The following RSRC1 variants were observed in gnomAD, a reference collection of about 807,000 sequenced individuals.
RSRC1 encodes arginine and serine rich coiled-coil 1.
Under a neutral mutation model 49.1 loss-of-function variants are expected in RSRC1, and 39 were observed. The ratio of observed to expected loss-of-function variants is 0.79; its 90% CI spans 0.61 to 1.04. The LOEUF is 1.04. Among genes scored for constraint, RSRC1 ranks in the 50% least tolerant of loss-of-function variants. The pLI is 0.00. For synonymous variants in RSRC1, 143 were observed against 130.8 expected (o/e 1.09, Z -0.63); for missense variants, 388 against 402.4 (o/e 0.96, Z 0.31).
intron 8 of RSRC1, 41 bp downstream of exon 8, chr3:158,537,239 C>T (rs776223677): frequency 8.5e-7 from 1 of 1,172,544 alleles, no homozygotes; most frequent in African/African-American, 1.6e-5. Context: ...CCTTTGGATT[C>T]TACCTGAAGA....
chr3:158,211,234 A>G (rs944477496), intron 4 of RSRC1, among the ~76,000 whole-genome samples: 5 of 152,028 alleles, frequency 3.3e-5, no homozygotes, highest in African/African-American at 1.2e-4. Context: ...TTGGACCGGT[A>G]TGGAATGCAC....
intron 3 of RSRC1, among the ~76,000 whole-genome samples, chr3:158,141,042 A>G (rs181565363): frequency 1.3e-5 from 2 of 152,322 alleles, no homozygotes; most frequent in Non-Finnish European, 2.9e-5. Flanking sequence ...AATGCTTTTT[A>G]AAAATCAAAG....
At chr3:158,349,545 T>G (rs1730743946) in intron 5 of RSRC1, among the ~76,000 whole-genome samples, 1 of 133,920 alleles carries the variant, frequency 7.5e-6, no homozygotes, top group Non-Finnish European at 1.7e-5. Flanking sequence ...TGATACAAAT[T>G]TCTAACAGCA....
chr3:158,301,413 A>G (rs921067604), intron 5 of RSRC1, among the ~76,000 whole-genome samples: 3 of 152,230 alleles, frequency 2.0e-5, no homozygotes, highest in Non-Finnish European at 2.9e-5. Flanking sequence ...TCTATTTATC[A>G]GGAGTAAGGA....
intron 6 of RSRC1, among the ~76,000 whole-genome samples, chr3:158,367,997 G>A (rs7615598): frequency 0.093 from 14,100 of 151,750 alleles, 2,230 homozygotes; most frequent in African/African-American, 0.33. Context: ...TCAGTTACAC[G>A]TTTATATTTG....
chr3:158,437,767 A>G (rs564746135), intron 6 of RSRC1, among the ~76,000 whole-genome samples: 4 of 152,312 alleles, frequency 2.6e-5, no homozygotes, highest in African/African-American at 9.6e-5. Flanking sequence ...CAAGACAAGG[A>G]TGCCCTCTCT....
In RSRC1 at chr3:158,162,365, A is replaced by G. The variant is rs538155594; in HGVS notation, c.320+38374A>G. Reference sequence around the variant, plus strand: ...TGGTATATACTTTCCATCTTTTTCAATAACTGGGGGAGGAAAGAGCATGTT... The same window carrying G: ...TGGTATATACTTTCCATCTTTTTCAGTAACTGGGGGAGGAAAGAGCATGTT... On this transcript the variant is annotated intron_variant, in intron 3 of 9. Transcript: ENST00000611884. 9.9e-5 allele frequency among the ~76,000 whole-genome samples: 15 copies of G among 152,258 alleles called. No individual in the cohort carries two copies. The South Asian group carries it at 2.7e-3, about 27-fold the overall frequency.
intron 7 of RSRC1, among the ~76,000 whole-genome samples, chr3:158,470,579 G>A (rs1247558693): frequency 6.6e-6 from 1 of 152,032 alleles, no homozygotes; most frequent in Non-Finnish European, 1.5e-5. Flanking sequence ...GTATAATTTA[G>A]TTGGTGTAAA....
chr3:158,443,409 C>G (rs1352540421), intron 6 of RSRC1, among the ~76,000 whole-genome samples: 1 of 152,024 alleles, frequency 6.6e-6, no homozygotes, highest in Non-Finnish European at 1.5e-5. Context: ...TCACCTTGCA[C>G]TTTTATGTTA....
intron 4 of RSRC1, among the ~76,000 whole-genome samples, chr3:158,213,962 CA>C (rs1374000430): frequency 6.6e-6 from 1 of 151,906 alleles, no homozygotes; most frequent in East Asian, 1.9e-4. Flanking sequence ...TCCATACCCG[CA>C]GGTTCCACAT....
intron 6 of RSRC1, among the ~76,000 whole-genome samples, chr3:158,440,725 C>T (rs1289174869): frequency 6.6e-6 from 1 of 152,020 alleles, no homozygotes; most frequent in African/African-American, 2.4e-5. Flanking sequence ...GGGTGGATCA[C>T]CTGAGGTCAG....
At chr3:158,146,054 A>G (rs1430295425) in intron 3 of RSRC1, among the ~76,000 whole-genome samples, 2 of 152,202 alleles carry the variant, frequency 1.3e-5, no homozygotes, top group South Asian at 4.1e-4. Flanking sequence ...TTTTCTGGAT[A>G]TACAATCATG....
intron 6 of RSRC1, among the ~76,000 whole-genome samples, chr3:158,374,469 A>G (rs1732245542): frequency 6.6e-6 from 1 of 152,184 alleles, no homozygotes; most frequent in East Asian, 1.9e-4. Flanking sequence ...ATCCCCAGGC[A>G]TTTAGATCTG....
intron 3 of RSRC1, among the ~76,000 whole-genome samples, chr3:158,176,893 C>T (rs1244363922): frequency 1.3e-5 from 2 of 151,928 alleles, no homozygotes; most frequent in African/African-American, 2.4e-5. Context: ...TGCAATCTAC[C>T]CATCTGACAA....
chr3:158,528,209 C>A (rs1027500143), intron 7 of RSRC1, among the ~76,000 whole-genome samples: 1 of 151,812 alleles, frequency 6.6e-6, no homozygotes, highest in African/African-American at 2.4e-5. Flanking sequence ...CAGCCAGCAA[C>A]AAAAGAGCAG....
At chr3:158,430,490 C>T (rs1324359006) in intron 6 of RSRC1, among the ~76,000 whole-genome samples, 2 of 151,684 alleles carry the variant, frequency 1.3e-5, no homozygotes, top group South Asian at 2.1e-4. Flanking sequence ...GTACTAACCT[C>T]AGAAAAAGGA....
intron 6 of RSRC1, among the ~76,000 whole-genome samples, chr3:158,404,145 A>G (rs1191697807): frequency 6.6e-6 from 1 of 151,868 alleles, no homozygotes; most frequent in Non-Finnish European, 1.5e-5. Context: ...CAAATTTAGT[A>G]TTTTTATTGG....
intron 4 of RSRC1, among the ~76,000 whole-genome samples, chr3:158,260,640 G>T (rs558008175): frequency 6.6e-6 from 1 of 152,148 alleles, no homozygotes; most frequent in South Asian, 2.1e-4. Flanking sequence ...GCTTGCCCAG[G>T]AATTACAGTT....
At position 158,336,747 on chromosome 3, in the gene RSRC1, G is replaced by C. The variant is rs559369348; in HGVS notation, c.532-18110G>C. On this transcript the variant is annotated intron_variant, in intron 5 of 9. Transcript: ENST00000611884. ...TAAGCTGTGGTCATTACCAGCTTCA[G>C]AGGTTCACTCAGACTAGTGGTCTCT... The C allele has an allele frequency of 3.3e-5, 5 of 152,354 alleles. No homozygotes were observed. The East Asian group carries it at 9.6e-4, about 29-fold the overall frequency. The allele number at this position is 152,354 out of a possible 1,614,324, so 9.4% of individuals were successfully genotyped here. A position where few individuals can be genotyped will look rare whatever the true frequency, so the allele number is the denominator to read the frequency against.
Sources: gnomAD v4.1 joint callset for allele counts (sites outside exome capture counted in the v4.1 genomes callset) on GRCh38, gnomAD v4.1.1 for gene constraint, MANE v1.5 for transcripts, NCBI Gene and HGNC (gene_info 2026-07-23, HGNC 2026-07-21) for gene names.